ATP8A1: variants seen among roughly 807,000 people sequenced by gnomAD.
The protein encoded by ATP8A1 is ATPase phospholipid transporting 8A1, also known as phospholipid-transporting ATPase IA.
A neutral mutation model predicts 177.7 loss-of-function variants in ATP8A1; 90 were observed. The ratio of observed to expected loss-of-function variants is 0.51; its 90% CI spans 0.43 to 0.60. The LOEUF (loss-of-function observed/expected upper bound fraction) is 0.60, where lower values mean the gene tolerates loss of function less well. Ranked by LOEUF, ATP8A1 falls within the 20% of genes least tolerant of loss-of-function variation. The pLI, the probability that ATP8A1 is intolerant of heterozygous loss-of-function variation, is 0.00. For missense variants in ATP8A1, 1,072 were observed against 1,392.8 expected, an observed-to-expected ratio of 0.77 and a Z score of 3.67; for synonymous variants, 493 against 485.9, an observed-to-expected ratio of 1.01 and a Z score of -0.19.
At chr4:42,452,988 C>A (rs951688198) in intron 29 of ATP8A1, among the ~76,000 whole-genome samples, 5 of 152,196 alleles carry the variant, frequency 3.3e-5, no homozygotes, top group African/African-American at 1.2e-4. Context: ...ATTGTATGAT[C>A]CAATTTACGC....
In ATP8A1 at chr4:42,657,096, G is replaced by A. The variant is rs898717218; in HGVS notation, c.-223C>T. On this transcript the variant is annotated 5_prime_UTR_variant, in exon 1 of 37. Coordinates refer to ENST00000381668, the MANE Select transcript of ATP8A1 (RefSeq NM_006095.2). ...AAGGTGGCGGCGCCCGCAGAGCTGGGCGAGCTCTTGCTGCAGCCGCGGAGG... is the reference window on the plus strand; with the variant it reads ...AAGGTGGCGGCGCCCGCAGAGCTGGACGAGCTCTTGCTGCAGCCGCGGAGG... The A allele has an allele frequency of 2.6e-5, 10 of 392,122 alleles. No individual in the cohort carries two copies. The highest frequency in any genetic ancestry group is 3.5e-5 in the Non-Finnish European group (8 of 229,298). 24.3% of individuals were successfully genotyped at this position (392,122 alleles called of 1,614,324 possible). A position where few individuals can be genotyped will look rare whatever the true frequency, so the allele number is the denominator to read the frequency against.
At chr4:42,544,339 T>C (rs1304732019) in intron 19 of ATP8A1, among the ~76,000 whole-genome samples, 1 of 152,246 alleles carries the variant, frequency 6.6e-6, no homozygotes, top group African/African-American at 2.4e-5. Flanking sequence ...AATTATGTTA[T>C]AGTTTTTATG....
intron 14 of ATP8A1, among the ~76,000 whole-genome samples, chr4:42,570,915 G>A (rs555112144): frequency 6.6e-6 from 1 of 152,250 alleles, no homozygotes; most frequent in East Asian, 1.9e-4. Flanking sequence ...TACTGTGTTA[G>A]GACTTTATAT....
At chr4:42,483,250 C>T (rs527558587) in intron 25 of ATP8A1, among the ~76,000 whole-genome samples, 10 of 152,046 alleles carry the variant, frequency 6.6e-5, no homozygotes, top group Middle Eastern at 3.4e-3. Context: ...CCGGCAGTGG[C>T]ACTGATGTAA....
chr4:42,485,481 A>G lies in ATP8A1; in HGVS notation c.2324+15T>C. The stretch of plus-strand genomic sequence containing the variant: ...CATTCTTTACTAAAATCTGACAATG[A>G]TAAGGAGAACTTACCGACAGCAAAT... On this transcript the variant is annotated intron_variant, in intron 25 of 36. Transcript: ENST00000381668. The G allele has an allele frequency of 6.3e-7, 1 of 1,593,768 alleles. No individual in the cohort carries two copies. The highest frequency in any genetic ancestry group is 8.5e-7 in the Non-Finnish European group (1 of 1,170,000).
At position 42,611,532 on chromosome 4, in the gene ATP8A1, G is replaced by A. The variant is rs113230528; in HGVS notation, c.409+4501C>T. 5.4e-3 allele frequency among the ~76,000 whole-genome samples: 816 copies of A among 152,218 alleles called. 13 individuals are homozygous for A. The highest frequency in any genetic ancestry group is 0.018 in the African/African-American group (760 of 41,544). On this transcript the variant is annotated intron_variant, in intron 5 of 36. Coordinates refer to ENST00000381668, the MANE Select transcript of ATP8A1 (RefSeq NM_006095.2). ...CCATCGTCCAGGGAATACACCTGGG[G>A]CTTTAAAAAGCAAATTTACTCATTA...
chr4:42,448,395 T>TA (rs1553874979), intron 30 of ATP8A1, among the ~76,000 whole-genome samples: 2 of 84,140 alleles, frequency 2.4e-5, no homozygotes, highest in South Asian at 5.4e-4. Context: ...TCCTTCTCTT[T>TA]CTTTTCTTTT....
chr4:42,646,965 C>T (rs1332377949), intron 1 of ATP8A1, among the ~76,000 whole-genome samples: 1 of 152,162 alleles, frequency 6.6e-6, no homozygotes, highest in Non-Finnish European at 1.5e-5. Context: ...CTTCACATCT[C>T]ATGCTAACAT....
chr4:42,650,283 T>G (rs1740955011), intron 1 of ATP8A1, among the ~76,000 whole-genome samples: 1 of 152,200 alleles, frequency 6.6e-6, no homozygotes, highest in Non-Finnish European at 1.5e-5. Flanking sequence ...ACTTTGAGAT[T>G]TTCAAATATT....
At chr4:42,542,513 A>T (rs2153206406) in intron 20 of ATP8A1, among the ~76,000 whole-genome samples, 1 of 152,288 alleles carries the variant, frequency 6.6e-6, no homozygotes, top group African/African-American at 2.4e-5. Flanking sequence ...TTACATAGGT[A>T]TACATGTGCC....
intron 24 of ATP8A1, among the ~76,000 whole-genome samples, chr4:42,492,007 T>C (rs1216274725): frequency 1.3e-5 from 2 of 152,196 alleles, no homozygotes; most frequent in Non-Finnish European, 2.9e-5. Flanking sequence ...AAGCAGCTAA[T>C]GGTAGTGGCT....
intron 9 of ATP8A1, 135 bp downstream of exon 9, chr4:42,586,213 TA>T (rs1733597318): frequency 2.1e-6 from 2 of 944,266 alleles, no homozygotes; most frequent in South Asian, 1.9e-5. Flanking sequence ...CAGGGCAGAA[TA>T]AAAATGCTTT....
intron 5 of ATP8A1, among the ~76,000 whole-genome samples, chr4:42,613,741 G>A (rs1249084528): frequency 1.3e-5 from 2 of 151,870 alleles, no homozygotes; most frequent in African/African-American, 2.4e-5. Context: ...CTGCCACCAC[G>A]CCCAACTAAT....
chr4:42,490,819 C>A (rs1272199528), intron 24 of ATP8A1, among the ~76,000 whole-genome samples: 2 of 152,202 alleles, frequency 1.3e-5, no homozygotes, highest in Non-Finnish European at 2.9e-5. Flanking sequence ...ATCAATACCT[C>A]TATCTTTTGG....
chr4:42,612,347 G>T (rs1430690035), intron 5 of ATP8A1, among the ~76,000 whole-genome samples: 1 of 150,350 alleles, frequency 6.7e-6, no homozygotes, highest in African/African-American at 2.5e-5. Context: ...TACTAAGACA[G>T]GATCCTGGTC....
At chr4:42,538,122 T>A (rs900984772) in intron 20 of ATP8A1, among the ~76,000 whole-genome samples, 1 of 152,136 alleles carries the variant, frequency 6.6e-6, no homozygotes, top group Non-Finnish European at 1.5e-5. Context: ...CAAATACTTA[T>A]GGCCAACTGA....
intron 1 of ATP8A1, among the ~76,000 whole-genome samples, chr4:42,640,562 G>T (rs1304668043): frequency 6.6e-6 from 1 of 152,168 alleles, no homozygotes; most frequent in African/African-American, 2.4e-5. Context: ...TCAGCATCTG[G>T]ATTTCAAGAA....
At chr4:42,521,958 CA>C (rs1259560780) in intron 22 of ATP8A1, among the ~76,000 whole-genome samples, 1 of 152,138 alleles carries the variant, frequency 6.6e-6, no homozygotes, top group Non-Finnish European at 1.5e-5. Context: ...AAGATCTATA[CA>C]AAGTAATGTC....
intron 1 of ATP8A1, among the ~76,000 whole-genome samples, chr4:42,635,692 G>C (rs914677402): frequency 6.8e-6 from 1 of 147,238 alleles, no homozygotes; most frequent in African/African-American, 2.5e-5. Context: ...ATATGTATTT[G>C]TATATATTGT....
Sources: allele counts gnomAD v4.1 joint callset (sites outside exome capture counted in the v4.1 genomes callset), GRCh38; gene constraint gnomAD v4.1.1; transcripts MANE v1.5; gene names NCBI Gene and HGNC (gene_info 2026-07-23, HGNC 2026-07-21).